Variants in ESR1 observed in about 807,000 individuals in gnomAD.
The protein encoded by ESR1 is estrogen receptor.
In ESR1, 12 loss-of-function variants were observed where a neutral mutation model predicts 52.7. That is an observed-to-expected ratio of 0.23 (90% CI 0.15 to 0.37). The LOEUF (loss-of-function observed/expected upper bound fraction) is 0.37, where lower values mean the gene tolerates loss of function less well. Among genes scored for constraint, ESR1 ranks in the 10% least tolerant of loss-of-function variants. ESR1 has a pLI of 1.00. For missense variants in ESR1, 584 were observed against 779.7 expected, an observed-to-expected ratio of 0.75 and a Z score of 2.99; for synonymous variants, 305 against 316.8, an observed-to-expected ratio of 0.96 and a Z score of 0.39.
chr6:152,100,340 C>T lies in ESR1; in HGVS notation c.*1374C>T, dbSNP rs889212607. 4.0e-5 allele frequency: 15 copies of T among 372,196 alleles called. No individual in the cohort carries two copies. The highest frequency in any genetic ancestry group is 6.2e-5 in the Non-Finnish European group (13 of 209,328). 23.1% of individuals were successfully genotyped at this position (372,196 alleles called of 1,614,324 possible). On this transcript the variant is annotated 3_prime_UTR_variant, in exon 8 of 8. Transcript: ENST00000206249. ...GGCTGACTGGGGCCTGGTCAGATTA[C>T]GTATGCCCTTGGTGGTTTAGAGATA...
At chr6:151,949,319 T>C (rs1186928510) in intron 4 of ESR1, among the ~76,000 whole-genome samples, 1 of 152,232 alleles carries the variant, frequency 6.6e-6, no homozygotes, top group African/African-American at 2.4e-5. Flanking sequence ...TACCTCAGTC[T>C]GGGAATTGGG....
chr6:151,998,835 T>C, intron 4 of ESR1, among the ~76,000 whole-genome samples: 1 of 152,126 alleles, frequency 6.6e-6, no homozygotes. Flanking sequence ...ACAGCATCCT[T>C]TCATGTAGCT....
intron 4 of ESR1, among the ~76,000 whole-genome samples, chr6:151,962,793 A>G (rs373666040): frequency 6.7e-4 from 102 of 152,306 alleles, no homozygotes; most frequent in African/African-American, 2.4e-3. Context: ...GGGTAAGGGT[A>G]GGCAGGACTA....
Position 152,094,644 on chromosome 6 carries a change from G to A in ESR1, c.1553+76G>A, listed in dbSNP as rs1274483508. On this transcript the variant is annotated intron_variant, in intron 7 of 7. Transcript: ENST00000206249. The surrounding 1 kb of genome is among the most constrained non-coding windows in gnomAD (Gnocchi z 4.6). ...CCAAACCTATGTGACAGCTGGCCGG[G>A]AAGGACTGGTGCCTGCATATGGAGA... is the stretch of plus-strand genomic sequence containing the variant. 1.1e-5 allele frequency: 16 copies of A among 1,393,166 alleles called. No individual in the cohort carries two copies. The highest frequency in any genetic ancestry group is 1.9e-5 in the Admixed American group (1 of 53,864). The allele number at this position is 1,393,166 out of a possible 1,614,324, so 86.3% of individuals were successfully genotyped here. A position where few individuals can be genotyped will look rare whatever the true frequency, so the allele number is the denominator to read the frequency against.
At chr6:151,878,428 TTA>T (rs1792229059) in intron 2 of ESR1, among the ~76,000 whole-genome samples, 1 of 152,200 alleles carries the variant, frequency 6.6e-6, no homozygotes, top group Non-Finnish European at 1.5e-5. Flanking sequence ...AGTGCAAATG[TTA>T]ATTTGATCTG....
chr6:151,879,913 T>TA (rs1454108213), intron 2 of ESR1, among the ~76,000 whole-genome samples: 5 of 152,094 alleles, frequency 3.3e-5, no homozygotes, highest in Non-Finnish European at 7.4e-5. Flanking sequence ...CGACTTAAAT[T>TA]ATATTTTAAG....
At chr6:151,751,115 T>A (rs1023193113) in intron 2 of ESR1, among the ~76,000 whole-genome samples, 24 of 152,296 alleles carry the variant, frequency 1.6e-4, no homozygotes, top group South Asian at 4.1e-4. Context: ...GGCTTCAATT[T>A]TTGGCTGAGC....
At chr6:151,967,895 A>G (rs1053637881) in intron 4 of ESR1, among the ~76,000 whole-genome samples, 1 of 152,198 alleles carries the variant, frequency 6.6e-6, no homozygotes, top group Admixed American at 6.5e-5. Flanking sequence ...ATAAGATGGT[A>G]TGTCGTTCTG....
chr6:152,106,085 G>T (rs548263534), downstream of ESR1, among the ~76,000 whole-genome samples: 9 of 152,116 alleles, frequency 5.9e-5, no homozygotes, highest in African/African-American at 2.2e-4. Context: ...GAGCCACCGC[G>T]CCCGGCCTCA....
At chr6:151,770,604 G>A (rs552079670) in intron 2 of ESR1, among the ~76,000 whole-genome samples, 3 of 152,046 alleles carry the variant, frequency 2.0e-5, no homozygotes, top group South Asian at 2.1e-4. Flanking sequence ...CTTTCCAAGC[G>A]GTAAAGGTGA....
At chr6:151,893,708 T>A (rs1795038281) in intron 3 of ESR1, among the ~76,000 whole-genome samples, 1 of 152,158 alleles carries the variant, frequency 6.6e-6, no homozygotes, top group South Asian at 2.1e-4. Context: ...CACTTACATC[T>A]TATTTTGGAC....
At chr6:152,110,276 T>A (rs937839686) in intron 6 of ESR1, among the ~76,000 whole-genome samples, 2 of 152,214 alleles carry the variant, frequency 1.3e-5, no homozygotes, top group Non-Finnish European at 2.9e-5. Flanking sequence ...TAGTTTTGCA[T>A]GTAATGCCTG....
intron 2 of ESR1, among the ~76,000 whole-genome samples, chr6:151,779,573 G>A (rs1268393008): frequency 6.6e-6 from 1 of 152,156 alleles, no homozygotes; most frequent in Non-Finnish European, 1.5e-5. Context: ...TATACTGTTG[G>A]TGGGAGTGTA....
intron 5 of ESR1, among the ~76,000 whole-genome samples, chr6:152,048,536 G>A (rs2046420940): frequency 6.6e-6 from 1 of 152,014 alleles, no homozygotes; most frequent in Admixed American, 6.6e-5. Context: ...GAGTGTATAT[G>A]TGTGTTTAAT....
rs772558698 is a variant in ESR1 at position 152,027,139 on chromosome 6, T to C, written c.1235+15345T>C. 8.6e-4 allele frequency among the ~76,000 whole-genome samples: 131 copies of C among 152,228 alleles called. No individual in the cohort carries two copies. The Middle Eastern group carries it at 0.014, about 16-fold the overall frequency. On this transcript the variant is annotated intron_variant, in intron 5 of 7. Coordinates refer to ENST00000206249, the MANE Select transcript of ESR1 (RefSeq NM_000125.4). ...CAGCCACCCCACCTGGCTAATTTTGTATTTTTAGTAGAGACAGGGTTTCCC... is the reference window on the plus strand; with the variant it reads ...CAGCCACCCCACCTGGCTAATTTTGCATTTTTAGTAGAGACAGGGTTTCCC...
At position 151,685,107 on chromosome 6, in the gene ESR1, C is replaced by CT. The variant is rs772122906; in HGVS notation, n.74-16731dup. Among the ~76,000 whole-genome samples, 278 of 72,944 alleles carry CT rather than the reference C, an allele frequency of 3.8e-3. 60 individuals carry two copies. Among genetic ancestry groups the CT allele is most frequent in the Non-Finnish European group, 5.8e-3 (232 of 39,726 alleles). The allele number at this position is 72,944 out of a possible 152,430, so 47.9% of individuals were successfully genotyped here. A position where few individuals can be genotyped will look rare whatever the true frequency, so the allele number is the denominator to read the frequency against. On this transcript the variant is annotated intron_variant and non_coding_transcript_variant, in intron 1 of 2. Transcript: ENST00000473497. ...TATCATTTTTGTCTGACACTGGCCTCTTTTTTTTTTTTTTTTTTTTTTTTT... is the reference window on the plus strand; with the variant it reads ...TATCATTTTTGTCTGACACTGGCCTCTTTTTTTTTTTTTTTTTTTTTTTTTT...
At chr6:151,986,097 C>T (rs772821400) in intron 4 of ESR1, among the ~76,000 whole-genome samples, 3 of 151,998 alleles carry the variant, frequency 2.0e-5, no homozygotes, top group Non-Finnish European at 2.9e-5. Context: ...TCTGGGTGAG[C>T]GGCTCAGTGC....
intron 5 of ESR1, among the ~76,000 whole-genome samples, chr6:152,022,090 CG>C (rs888716872): frequency 2.6e-5 from 4 of 152,146 alleles, no homozygotes; most frequent in Non-Finnish European, 4.4e-5. Flanking sequence ...GTTTCTACTT[CG>C]GACCCCTGAG....
rs2152507587 is a variant in ESR1 at position 152,099,000 on chromosome 6, C to T, written c.*34C>T. 1.3e-6 allele frequency: 2 copies of T among 1,570,680 alleles called. No individual in the cohort carries two copies. The highest frequency in any genetic ancestry group is 1.8e-6 in the Non-Finnish European group (2 of 1,142,078). ...TGGCTCCCACACGGTTCAGATAATC[C>T]CTGCTGCATTTTACCCTCATCATGC... On this transcript the variant is annotated 3_prime_UTR_variant, in exon 8 of 8. Coordinates refer to ENST00000206249, the MANE Select transcript of ESR1 (RefSeq NM_000125.4). This position sits in a 1 kb window ranked among gnomAD's most constrained non-coding sequence, Gnocchi z 5.1.
Sources: gnomAD v4.1 joint callset for allele counts (sites outside exome capture counted in the v4.1 genomes callset) on GRCh38, gnomAD v4.1.1 for gene constraint, Gnocchi (gnomAD v3.1) non-coding constraint, MANE v1.5 for transcripts, NCBI Gene and HGNC (gene_info 2026-07-23, HGNC 2026-07-21) for gene names.